The following ADAMTSL1 variants were observed in gnomAD, a reference collection of about 807,000 sequenced individuals.
ADAMTSL1 encodes ADAMTS-like protein 1.
A neutral mutation model predicts 201.8 loss-of-function variants in ADAMTSL1; 126 were observed. The ratio of observed to expected loss-of-function variants is 0.62; its 90% CI spans 0.54 to 0.72. ADAMTSL1 has a LOEUF of 0.72. Among genes scored for constraint, ADAMTSL1 ranks in the 30% least tolerant of loss-of-function variants. The pLI is 0.00. For missense variants in ADAMTSL1, 2,679 were observed against 2,277.8 expected (o/e 1.18, Z -3.59); for synonymous variants, 1,121 against 903.4 (o/e 1.24, Z -4.32).
rs148070460 is a variant in ADAMTSL1 at position 18,320,043 on chromosome 9, A to G, written c.207+156062A>G. Reference sequence around the variant, plus strand: ...AGAAATGAAGTGGCCGCTAGAGTTGAGAACAGCCCTCATCTGACAGCCAGC... The same window carrying G: ...AGAAATGAAGTGGCCGCTAGAGTTGGGAACAGCCCTCATCTGACAGCCAGC... On this transcript the variant is annotated intron_variant, in intron 2 of 29. Coordinates refer to the ADAMTSL1 transcript ENST00000680146. Among the ~76,000 whole-genome samples, 79 of 152,264 alleles carry G rather than the reference A, an allele frequency of 5.2e-4. No individual in the cohort carries two copies. In the East Asian group the frequency reaches 0.015, roughly 28 times the overall value.
intron 3 of ADAMTSL1, among the ~76,000 whole-genome samples, chr9:18,569,690 A>G (rs1264561401): frequency 1.3e-5 from 2 of 152,190 alleles, no homozygotes; most frequent in South Asian, 2.1e-4. Context: ...TTTGGTCCAT[A>G]TAACTACTAG....
At chr9:18,822,073 G>A (rs898540355) in intron 21 of ADAMTSL1, among the ~76,000 whole-genome samples, 31 of 152,118 alleles carry the variant, frequency 2.0e-4, no homozygotes, top group African/African-American at 7.5e-4. Flanking sequence ...AAATGCAAAC[G>A]TGGGTTCTTT....
chr9:18,723,388 T>A (rs1817667862), intron 15 of ADAMTSL1: 1 of 413,424 alleles, frequency 2.4e-6, no homozygotes, highest in African/African-American at 2.0e-5. Context: ...TGCCGAGGAG[T>A]CAGTGCCTGG....
intron 9 of ADAMTSL1, among the ~76,000 whole-genome samples, chr9:18,670,998 T>C (rs1587852904): frequency 6.6e-6 from 1 of 152,280 alleles, no homozygotes; most frequent in East Asian, 1.9e-4. Flanking sequence ...TTATGTATAA[T>C]ACCTTATAAA....
At chr9:18,493,252 C>T (rs926827849) in intron 1 of ADAMTSL1, among the ~76,000 whole-genome samples, 6 of 152,130 alleles carry the variant, frequency 3.9e-5, no homozygotes, top group African/African-American at 1.4e-4. Context: ...GGTTATTTTT[C>T]CTGATTAATT....
At chr9:17,978,052 G>T (rs973263992) in intron 1 of ADAMTSL1, among the ~76,000 whole-genome samples, 1 of 151,972 alleles carries the variant, frequency 6.6e-6, no homozygotes, top group Non-Finnish European at 1.5e-5. Context: ...AAAATTATAT[G>T]TGAACTTCTA....
chr9:18,182,047 C>G (rs1828504496), intron 2 of ADAMTSL1, among the ~76,000 whole-genome samples: 1 of 150,400 alleles, frequency 6.6e-6, no homozygotes, highest in African/African-American at 2.5e-5. Context: ...AACAAAAAAC[C>G]AAACACCGCA....
chr9:18,503,858 C>T (rs1232886867), intron 1 of ADAMTSL1, among the ~76,000 whole-genome samples: 2 of 151,946 alleles, frequency 1.3e-5, no homozygotes, highest in Non-Finnish European at 2.9e-5. Context: ...TAACCGCACC[C>T]CATAGCAACT....
At chr9:18,568,666 G>C (rs1483396520) in intron 3 of ADAMTSL1, among the ~76,000 whole-genome samples, 3 of 152,050 alleles carry the variant, frequency 2.0e-5, no homozygotes, top group African/African-American at 7.2e-5. Context: ...GGACAGTGTG[G>C]AGGGGCAGTA....
intron 2 of ADAMTSL1, among the ~76,000 whole-genome samples, chr9:18,172,420 AT>A (rs1295722630): frequency 1.3e-5 from 2 of 152,122 alleles, no homozygotes; most frequent in African/African-American, 4.8e-5. Flanking sequence ...ACAAATTAAA[AT>A]AACAGAAATA....
At chr9:17,932,835 T>C (rs1313810901) in intron 1 of ADAMTSL1, among the ~76,000 whole-genome samples, 2 of 152,204 alleles carry the variant, frequency 1.3e-5, no homozygotes, top group Admixed American at 1.3e-4. Context: ...TTGGAATTTC[T>C]TCAGGAATCC....
At chr9:18,249,902 C>T (rs1831400324) in intron 2 of ADAMTSL1, among the ~76,000 whole-genome samples, 1 of 152,146 alleles carries the variant, frequency 6.6e-6, no homozygotes, top group African/African-American at 2.4e-5. Context: ...GGGGCAATCT[C>T]TAATGTGTTT....
At chr9:18,626,849 T>G (rs1385532879) in intron 5 of ADAMTSL1, among the ~76,000 whole-genome samples, 20 of 129,676 alleles carry the variant, frequency 1.5e-4, no homozygotes, top group African/African-American at 6.4e-4. Flanking sequence ...TTTTCTTTCT[T>G]TCTTTCTTTC....
intron 1 of ADAMTSL1, among the ~76,000 whole-genome samples, chr9:17,967,095 T>C (rs1310112068): frequency 6.6e-6 from 1 of 152,108 alleles, no homozygotes; most frequent in Non-Finnish European, 1.5e-5. Flanking sequence ...TCAGAACCTA[T>C]ATAATATGGG....
chr9:18,767,910 G>T (rs182322502), intron 16 of ADAMTSL1, among the ~76,000 whole-genome samples: 10 of 152,272 alleles, frequency 6.6e-5, no homozygotes, highest in South Asian at 2.1e-4. Context: ...AAGCCCAAAC[G>T]ACACACTAGA....
chr9:17,923,138 C>G (rs1826374622), intron 1 of ADAMTSL1, among the ~76,000 whole-genome samples: 1 of 151,830 alleles, frequency 6.6e-6, no homozygotes. Flanking sequence ...TTTTTTGGTT[C>G]CATATGAACT....
chr9:18,388,282 A>G (rs546993402), intron 2 of ADAMTSL1, among the ~76,000 whole-genome samples: 46 of 149,964 alleles, frequency 3.1e-4, no homozygotes, highest in Non-Finnish European at 5.4e-4. Context: ...GTTTTGTTTT[A>G]TTTTTTGAGA....
At position 18,474,249 on chromosome 9, in the gene ADAMTSL1, G is replaced by T; in HGVS notation, c.17G>T (p.Arg6Leu). The change falls in exon 1 of 29, where the codon CGG becomes CTG. Residue 6 changes from arginine (R) to leucine (L), a missense_variant. By Grantham distance (102) the Arg-to-Leu change is moderately radical. Coordinates refer to ENST00000380548, the MANE Select transcript of ADAMTSL1 (RefSeq NM_001040272.6). ...GATCCAAGCATGGAATGCTGCCGTCGGGCAACTCCTGGCACACTGCTCCTC... is the reference window on the plus strand; with the variant it reads ...GATCCAAGCATGGAATGCTGCCGTCTGGCAACTCCTGGCACACTGCTCCTC... The part of the protein sequence containing the change: MECCR[R>L]ATPGTLLLFL... The T allele has an allele frequency of 6.2e-7, 1 of 1,614,030 alleles. No homozygotes were observed. Among genetic ancestry groups the T allele is most frequent in the East Asian group, 2.2e-5 (1 of 44,880 alleles).
Position 17,940,687 on chromosome 9 carries a change from T to TA in ADAMTSL1, c.87+33765_87+33766insA, listed in dbSNP as rs2131345072. Among the ~76,000 whole-genome samples the TA allele has an allele frequency of 2.9e-5, 4 of 137,606 alleles. 1 individual carries two copies. In the South Asian group the frequency reaches 9.1e-4, roughly 31 times the overall value. 90.3% of individuals were successfully genotyped at this position (137,606 alleles called of 152,430 possible). On this transcript the variant is annotated intron_variant, in intron 1 of 29. Coordinates refer to the ADAMTSL1 transcript ENST00000680146. ...AATTTTATTATTATTATACCTTAAC[T>TA]TTTAGGGTACATGTGCATAACGTGC...
Sources: gnomAD v4.1 joint callset for allele counts (sites outside exome capture counted in the v4.1 genomes callset) on GRCh38, gnomAD v4.1.1 for gene constraint, MANE v1.5 for transcripts, NCBI Gene and HGNC (gene_info 2026-07-23, HGNC 2026-07-21) for gene names.